CHRM5: variants seen among roughly 807,000 people sequenced by gnomAD.
CHRM5 encodes the protein cholinergic receptor muscarinic 5, also known as muscarinic acetylcholine receptor M5.
CHRM5 carries 18 observed loss-of-function variants against 39.0 expected under a neutral mutation model. The observed-to-expected ratio is 0.46, with a 90% CI of 0.32 to 0.68. The LOEUF is 0.68. Ranked by LOEUF, CHRM5 falls within the 30% of genes least tolerant of loss-of-function variation. The pLI, the probability that CHRM5 is intolerant of heterozygous loss-of-function variation, is 0.04. For missense variants in CHRM5, 515 were observed against 651.1 expected, an observed-to-expected ratio of 0.79 and a Z score of 2.28; for synonymous variants, 241 against 246.3, an observed-to-expected ratio of 0.98 and a Z score of 0.20.
At chr15:33,972,761 T>C (rs1034043971) in intron 1 of CHRM5, among the ~76,000 whole-genome samples, 7 of 152,188 alleles carry the variant, frequency 4.6e-5, no homozygotes, top group Non-Finnish European at 7.4e-5. Flanking sequence ...GCAGACCAAC[T>C]AATCCTTCCA....
chr15:34,019,213 GC>G (rs1898099812), intron 1 of CHRM5, among the ~76,000 whole-genome samples: 2 of 152,300 alleles, frequency 1.3e-5, no homozygotes, highest in Middle Eastern at 3.4e-3. Context: ...CCCTGTGTAG[GC>G]CTAGGCTAAT....
chr15:34,000,536 A>C (rs924586108), intron 1 of CHRM5, among the ~76,000 whole-genome samples: 1 of 152,220 alleles, frequency 6.6e-6, no homozygotes, highest in African/African-American at 2.4e-5. Flanking sequence ...TAAGGAACCA[A>C]CAATATTTTT....
At chr15:34,001,569 A>T (rs1897139549) in intron 1 of CHRM5, among the ~76,000 whole-genome samples, 1 of 152,142 alleles carries the variant, frequency 6.6e-6, no homozygotes, top group Non-Finnish European at 1.5e-5. Context: ...ATAAACCCAT[A>T]ATTGGCCAAA....
At chr15:33,987,660 T>G (rs1159055620) in intron 1 of CHRM5, among the ~76,000 whole-genome samples, 1 of 152,230 alleles carries the variant, frequency 6.6e-6, no homozygotes, top group African/African-American at 2.4e-5. Flanking sequence ...TTGGTCCACC[T>G]GCATCTGCAG....
At chr15:34,054,624 C>A (rs1389690659) in intron 2 of CHRM5, among the ~76,000 whole-genome samples, 1 of 152,104 alleles carries the variant, frequency 6.6e-6, no homozygotes, top group Non-Finnish European at 1.5e-5. Flanking sequence ...TAAGTAAGAG[C>A]TGAATGATGA....
Position 34,055,372 on chromosome 15 carries a change from G to A in CHRM5, c.-75-7271G>A, listed in dbSNP as rs138329996. 2.6e-3 allele frequency among the ~76,000 whole-genome samples: 390 copies of A among 152,070 alleles called. 1 individual carries two copies. Among genetic ancestry groups the A allele is most frequent in the African/African-American group, 9.2e-3 (381 of 41,458 alleles). On this transcript the variant is annotated intron_variant, in intron 2 of 2. Coordinates refer to ENST00000383263, the MANE Select transcript of CHRM5 (RefSeq NM_012125.4). ...AAATTATAATTATCTGTGTGTGGTGGTGTGCACCTGTAGTCCCAGCTACTC... is the reference window on the plus strand; with the variant it reads ...AAATTATAATTATCTGTGTGTGGTGATGTGCACCTGTAGTCCCAGCTACTC...
At chr15:34,032,917 C>T (rs534246280) in intron 1 of CHRM5, among the ~76,000 whole-genome samples, 225 of 152,208 alleles carry the variant, frequency 1.5e-3, no homozygotes, top group African/African-American at 5.0e-3. Context: ...TGATGGAGAA[C>T]CTAATACAGT....
intron 1 of CHRM5, among the ~76,000 whole-genome samples, chr15:34,001,904 A>C (rs1897151502): frequency 6.6e-6 from 1 of 152,254 alleles, no homozygotes; most frequent in Non-Finnish European, 1.5e-5. Context: ...GGAAGAAAAA[A>C]TTCAAAGCAG....
chr15:33,985,662 C>T (rs1896406812), intron 1 of CHRM5, among the ~76,000 whole-genome samples: 1 of 151,942 alleles, frequency 6.6e-6, no homozygotes. Flanking sequence ...ATTTCTGTAC[C>T]CTCAGCACCT....
chr15:34,020,869 T>C (rs1367160707), intron 1 of CHRM5, among the ~76,000 whole-genome samples: 3 of 152,230 alleles, frequency 2.0e-5, no homozygotes, highest in South Asian at 2.1e-4. Context: ...TGCCATTTTG[T>C]ATTAAAAAAC....
At chr15:34,010,948 T>G (rs1007331339) in intron 1 of CHRM5, among the ~76,000 whole-genome samples, 1 of 152,364 alleles carries the variant, frequency 6.6e-6, no homozygotes. Context: ...CTTTTTTCAC[T>G]ATTAAAAAAC....
At chr15:33,979,301 T>G (rs1896031686) in intron 1 of CHRM5, among the ~76,000 whole-genome samples, 1 of 152,122 alleles carries the variant, frequency 6.6e-6, no homozygotes, top group African/African-American at 2.4e-5. Context: ...GAGGAAGGAT[T>G]GCTTGAGCCC....
At chr15:34,019,695 T>C (rs1459974010) in intron 1 of CHRM5, among the ~76,000 whole-genome samples, 2 of 152,232 alleles carry the variant, frequency 1.3e-5, no homozygotes, top group African/African-American at 4.8e-5. Context: ...TATAACTGTC[T>C]ACAGTATCCA....
chr15:33,986,372 G>T (rs1274566844), intron 1 of CHRM5, among the ~76,000 whole-genome samples: 1 of 151,964 alleles, frequency 6.6e-6, no homozygotes, highest in Non-Finnish European at 1.5e-5. Context: ...GCCTCCCAAA[G>T]TGCTGGGATT....
chr15:33,972,843 C>A (rs1895700562), intron 1 of CHRM5, among the ~76,000 whole-genome samples: 1 of 152,186 alleles, frequency 6.6e-6, no homozygotes, highest in Non-Finnish European at 1.5e-5. Flanking sequence ...TCATTTGTGA[C>A]TGACCCTCCT....
At chr15:33,972,609 A>G (rs547856033) in intron 1 of CHRM5, 1 of 152,368 alleles carries the variant, frequency 6.6e-6, no homozygotes, top group Non-Finnish European at 1.5e-5. Flanking sequence ...TCTTCAACAA[A>G]TATTTGTAAA....
intron 1 of CHRM5, among the ~76,000 whole-genome samples, chr15:33,978,118 A>C (rs186188802): frequency 1.3e-4 from 20 of 152,168 alleles, no homozygotes; most frequent in Admixed American, 1.2e-3. Flanking sequence ...TTTTAAAAAC[A>C]TAGAAATTCA....
intron 2 of CHRM5, 110 bp from the exon 3 acceptor site, chr15:34,062,533 T>C (rs989544469): frequency 3.4e-4 from 191 of 555,076 alleles, no homozygotes; most frequent in Admixed American, 4.3e-4. Flanking sequence ...CCAGCCTGGG[T>C]GACAAAGCGA....
At chr15:33,983,979 T>C (rs1243692327) in intron 1 of CHRM5, among the ~76,000 whole-genome samples, 3 of 150,430 alleles carry the variant, frequency 2.0e-5, no homozygotes, top group Non-Finnish European at 4.4e-5. Context: ...TTCTACAATA[T>C]GGTCTACTCT....
Sources: gnomAD v4.1 joint callset for allele counts (sites outside exome capture counted in the v4.1 genomes callset) on GRCh38, gnomAD v4.1.1 for gene constraint, MANE v1.5 for transcripts, NCBI Gene and HGNC (gene_info 2026-07-23, HGNC 2026-07-21) for gene names.